The following SLC35A5 variants were observed in gnomAD, a reference collection of about 807,000 sequenced individuals.
SLC35A5 encodes the protein UDP-sugar transporter protein SLC35A5.
In SLC35A5, 28 loss-of-function variants were observed where a neutral mutation model predicts 36.3. The observed-to-expected ratio is 0.77, with a 90% CI of 0.57 to 1.06. The LOEUF (loss-of-function observed/expected upper bound fraction) is 1.06, where lower values mean the gene tolerates loss of function less well. Ranked by LOEUF, SLC35A5 falls within the 50% of genes least tolerant of loss-of-function variation. The pLI, the probability that SLC35A5 is intolerant of heterozygous loss-of-function variation, is 0.00. For synonymous variants in SLC35A5, 180 were observed against 173.7 expected, an observed-to-expected ratio of 1.04 and a Z score of -0.29; for missense variants, 521 against 499.3, an observed-to-expected ratio of 1.04 and a Z score of -0.41.
At chr3:112,578,463 A>G (rs935042537) in intron 5 of SLC35A5, among the ~76,000 whole-genome samples, 49 of 152,320 alleles carry the variant, frequency 3.2e-4, no homozygotes, top group Admixed American at 2.9e-3. Flanking sequence ...CTGAGCATCC[A>G]TTACTATGTT....
At chr3:112,565,593 C>T (rs184153951) in intron 2 of SLC35A5, among the ~76,000 whole-genome samples, 1 of 152,184 alleles carries the variant, frequency 6.6e-6, no homozygotes, top group African/African-American at 2.4e-5. Flanking sequence ...GGCTGGCCAA[C>T]ATGGTGAAAC....
Position 112,569,293 on chromosome 3 carries a change from T to C in SLC35A5, c.229+24T>C, listed in dbSNP as rs138464229. The C allele has an allele frequency of 1.3e-4, 206 of 1,577,274 alleles. 1 individual carries two copies. The East Asian group carries it at 4.6e-3, about 35-fold the overall frequency. ...AGGTAAGTCTTGAAATGGTACTATA[T>C]ACTTGTTAATCATAGGACCAAAAAA... On this transcript the variant is annotated intron_variant, in intron 3 of 6. Coordinates refer to ENST00000492406, the MANE Select transcript of SLC35A5 (RefSeq NM_017945.5).
chr3:112,561,678 A>G (rs999621211), upstream of SLC35A5: 17 of 752,222 alleles, frequency 2.3e-5, no homozygotes, highest in Non-Finnish European at 3.3e-5. Flanking sequence ...ACGCGACGGG[A>G]CGGGCGGGAC....
rs1029389271 is a variant in SLC35A5, at chr3:112,579,445, C to G, written c.429-1101C>G. ...CCCCTTCTTTGCCTAACTAACTGAT[C>G]TTCAAACATCAAGATTTTGTTCCCC... On this transcript the variant is annotated intron_variant, in intron 5 of 6. Transcript: ENST00000492406. Among the ~76,000 whole-genome samples, 18 of 151,948 alleles carry G rather than the reference C, an allele frequency of 1.2e-4. 1 individual carries two copies. The highest frequency in any genetic ancestry group is 2.1e-4 in the South Asian group (1 of 4,806).
intron 4 of SLC35A5, among the ~76,000 whole-genome samples, chr3:112,572,613 G>A (rs1351530372): frequency 6.6e-6 from 1 of 152,038 alleles, no homozygotes; most frequent in Non-Finnish European, 1.5e-5. Context: ...CCAGCTTATT[G>A]TTTTGCTCTT....
At chr3:112,564,518 G>C (rs1414242772) in intron 2 of SLC35A5, among the ~76,000 whole-genome samples, 1 of 152,120 alleles carries the variant, frequency 6.6e-6, no homozygotes, top group South Asian at 2.1e-4. Context: ...GTTTTACTCC[G>C]AGACATTCCA....
At chr3:112,576,204 T>A (rs1934667399) in intron 5 of SLC35A5, among the ~76,000 whole-genome samples, 1 of 152,076 alleles carries the variant, frequency 6.6e-6, no homozygotes, top group African/African-American at 2.4e-5. Flanking sequence ...CTCAGCTCAC[T>A]GCAACCTCCG....
At chr3:112,566,578 C>G (rs375260373) in intron 2 of SLC35A5, among the ~76,000 whole-genome samples, 2 of 151,972 alleles carry the variant, frequency 1.3e-5, no homozygotes, top group African/African-American at 4.8e-5. Flanking sequence ...ACATCATTAG[C>G]GAGATGGGAT....
intron 5 of SLC35A5, among the ~76,000 whole-genome samples, chr3:112,577,099 A>AT (rs57631392): frequency 0.016 from 2,434 of 150,854 alleles, 54 homozygotes; most frequent in African/African-American, 0.052. Context: ...TAAGAAAAAA[A>AT]AAAATAATTT....
intron 5 of SLC35A5, 124 bp downstream of exon 5, chr3:112,574,080 T>C (rs1000697268): frequency 2.5e-6 from 2 of 799,486 alleles, no homozygotes; most frequent in African/African-American, 1.7e-5. Flanking sequence ...TAATTGACTT[T>C]GTGTACTGGG....
rs1422207558 is a variant in SLC35A5, at chr3:112,585,030, T to C, written c.*2294T>C. 1.3e-5 allele frequency: 2 copies of C among 152,118 alleles called. No homozygotes were observed. The highest frequency in any genetic ancestry group is 3.9e-4 in the East Asian group (2 of 5,192). 9.4% of individuals were successfully genotyped at this position (152,118 alleles called of 1,614,324 possible). A position where few individuals can be genotyped will look rare whatever the true frequency, so the allele number is the denominator to read the frequency against. On this transcript the variant is annotated 3_prime_UTR_variant, in exon 7 of 7. Transcript: ENST00000492406. ...GGATTCCAAAGTGAGAAGGGTGGTG[T>C]ATTAGTCCATTCTCATGCTGCTACA...
chr3:112,580,428 G>A (rs1189990135), intron 5 of SLC35A5, 118 bp from the exon 6 acceptor site: 2 of 1,153,846 alleles, frequency 1.7e-6, no homozygotes, highest in African/African-American at 3.1e-5. Flanking sequence ...GGTAGGAAAT[G>A]CTAGCAAAAA....
intron 6 of SLC35A5, among the ~76,000 whole-genome samples, chr3:112,581,648 A>G (rs1423196104): frequency 1.3e-5 from 2 of 150,468 alleles, no homozygotes; most frequent in African/African-American, 4.9e-5. Context: ...AACAGGCAAA[A>G]TGGTTTACAG....
At chr3:112,582,238 G>GA (rs1490916761) in intron 6 of SLC35A5, among the ~76,000 whole-genome samples, 1 of 152,078 alleles carries the variant, frequency 6.6e-6, no homozygotes, top group Non-Finnish European at 1.5e-5. Flanking sequence ...TTCTAAAGAT[G>GA]AAAAAATTAG....
chr3:112,580,781 A>G lies in SLC35A5; in HGVS notation c.664A>G (p.Arg222Gly). The G allele has an allele frequency of 6.2e-7, 1 of 1,614,216 alleles. No homozygotes were observed. Among genetic ancestry groups the G allele is most frequent in the African/African-American group, 1.3e-5 (1 of 75,066 alleles). The change falls in exon 6 of 7, where the codon AGA (arginine) becomes GGA (glycine). Residue 222 changes from arginine to glycine, a missense_variant. Transcript: ENST00000492406. ...FPEAKWNTTA[R>G]VFSHIRLGMG... Reference sequence around the variant, plus strand: ...TGAAGCTAAATGGAACACCACAGCCAGAGTTTTCAGTCACATCCGTCTTGG... The same window carrying G: ...TGAAGCTAAATGGAACACCACAGCCGGAGTTTTCAGTCACATCCGTCTTGG...
intron 4 of SLC35A5, 129 bp from the exon 5 acceptor site, chr3:112,573,760 A>G (rs1386737140): frequency 1.9e-5 from 13 of 691,132 alleles, no homozygotes; most frequent in Non-Finnish European, 2.8e-5. Context: ...CTTAGTTGAA[A>G]TTGCTACCTT....
chr3:112,576,535 C>G (rs939533927), intron 5 of SLC35A5, among the ~76,000 whole-genome samples: 8 of 152,202 alleles, frequency 5.3e-5, no homozygotes, highest in African/African-American at 1.2e-4. Flanking sequence ...GTCCATTAAA[C>G]AACTCTCCTT....
At chr3:112,567,661 T>C (rs1224259282) in intron 2 of SLC35A5, among the ~76,000 whole-genome samples, 1 of 152,216 alleles carries the variant, frequency 6.6e-6, no homozygotes, top group African/African-American at 2.4e-5. Context: ...AGCCCCTTCC[T>C]CTGGGGCTGA....
At chr3:112,580,421 A>C in intron 5 of SLC35A5, 125 bp from the exon 6 acceptor site, 1 of 1,059,136 alleles carries the variant, frequency 9.4e-7, no homozygotes, top group Non-Finnish European at 1.3e-6. Context: ...CTTGAGTGGT[A>C]GGAAATGCTA....
Sources: allele counts gnomAD v4.1 joint callset (sites outside exome capture counted in the v4.1 genomes callset), GRCh38; gene constraint gnomAD v4.1.1; transcripts MANE v1.5; gene names NCBI Gene and HGNC (gene_info 2026-07-23, HGNC 2026-07-21).